The following MAP4 variants were observed in gnomAD, a reference collection of about 807,000 sequenced individuals.
MAP4 encodes microtubule-associated protein 4.
A neutral mutation model predicts 170.2 loss-of-function variants in MAP4; 76 were observed. The observed-to-expected ratio is 0.45, with a 90% CI of 0.37 to 0.54. The LOEUF (loss-of-function observed/expected upper bound fraction) is 0.54, where lower values mean the gene tolerates loss of function less well. Ranked by LOEUF, MAP4 falls within the 20% of genes least tolerant of loss-of-function variation. The pLI, the probability that MAP4 is intolerant of heterozygous loss-of-function variation, is 0.00. For synonymous variants in MAP4, 909 were observed against 994.5 expected (o/e 0.91, Z 1.62); for missense variants, 2,506 against 2,748.0 (o/e 0.91, Z 1.97).
chr3:47,893,933 C>T (rs556334799), intron 10 of MAP4, among the ~76,000 whole-genome samples: 29 of 152,118 alleles, frequency 1.9e-4, no homozygotes, highest in Admixed American at 3.3e-4. Context: ...AGCCTCTGTC[C>T]CCAAGAACTC....
chr3:47,992,409 CATAATT>C (rs2100092866), intron 2 of MAP4, among the ~76,000 whole-genome samples: 1 of 152,052 alleles, frequency 6.6e-6, no homozygotes, highest in East Asian at 1.9e-4. Context: ...TACAACCTAT[CATAATT>C]ATAAACTTTA....
chr3:47,864,230 T>C (rs1228925779), intron 17 of MAP4, among the ~76,000 whole-genome samples: 1 of 152,180 alleles, frequency 6.6e-6, no homozygotes, highest in Admixed American at 6.5e-5. Context: ...CCACTGTACC[T>C]GGCCTTATTT....
chr3:48,088,507 C>T (rs918331733), intron 1 of MAP4, among the ~76,000 whole-genome samples: 1 of 151,874 alleles, frequency 6.6e-6, no homozygotes, highest in Non-Finnish European at 1.5e-5. Context: ...ACCGCCCCGA[C>T]CCTCAAAAGC....
At chr3:48,001,702 G>A (rs1356194422) in intron 1 of MAP4, among the ~76,000 whole-genome samples, 1 of 152,054 alleles carries the variant, frequency 6.6e-6, no homozygotes, top group African/African-American at 2.4e-5. Flanking sequence ...GTGCCACCAT[G>A]TTGGTTAGGC....
chr3:47,885,778 G>C (rs1004392635), intron 10 of MAP4, among the ~76,000 whole-genome samples: 3 of 151,136 alleles, frequency 2.0e-5, no homozygotes, highest in African/African-American at 7.3e-5. Context: ...ACCCAGGCTG[G>C]AGTGCAGTGG....
intron 3 of MAP4, among the ~76,000 whole-genome samples, chr3:47,936,057 TGCCTAAGAATGAA>T (rs969661085): frequency 7.3e-5 from 11 of 151,566 alleles, no homozygotes; most frequent in African/African-American, 2.4e-4. Flanking sequence ...TGAAAGACAC[TGCCTAAGAATGAA>T]GCCAAAGAAG....
At chr3:48,046,390 G>GT (rs1412876586) in intron 1 of MAP4, among the ~76,000 whole-genome samples, 1 of 152,192 alleles carries the variant, frequency 6.6e-6, no homozygotes, top group East Asian at 1.9e-4. Flanking sequence ...TTTAAACCAT[G>GT]TTATTAGGGA....
At chr3:47,993,372 A>G (rs541252411) in intron 2 of MAP4, among the ~76,000 whole-genome samples, 1 of 152,360 alleles carries the variant, frequency 6.6e-6, no homozygotes, top group African/African-American at 2.4e-5. Context: ...ATGATGTTGA[A>G]GATGAAGCCC....
At chr3:47,925,910 A>G (rs1400049368) in intron 4 of MAP4, among the ~76,000 whole-genome samples, 1 of 152,242 alleles carries the variant, frequency 6.6e-6, no homozygotes, top group South Asian at 2.1e-4. Flanking sequence ...GCTGGAGTAC[A>G]ATGGCACGAT....
At position 47,909,572 on chromosome 3, in the gene MAP4, A is replaced by T; in HGVS notation, c.4849T>A (p.Ser1617Thr). ...VNEEKETKEGSVAVQIPDLLE... is the reference protein window; with the variant it reads ...VNEEKETKEGTVAVQIPDLLE... Reference sequence around the variant, plus strand: ...AAGTCAGGAATCTGAACTGCAACAGACCCTTCTTTAGTCTCTTTCTCTTCA... The same window carrying T: ...AAGTCAGGAATCTGAACTGCAACAGTCCCTTCTTTAGTCTCTTTCTCTTCA... The change falls in exon 9 of 21, where the codon TCT (serine) becomes ACT (threonine). Residue 1617 changes from serine (S) to threonine (T), a missense_variant. Transcript: ENST00000683076. The T allele has an allele frequency of 6.2e-7, 1 of 1,612,570 alleles. No homozygotes were observed. The highest frequency in any genetic ancestry group is 1.3e-5 in the African/African-American group (1 of 75,002).
chr3:47,916,050 C>T lies in MAP4; in HGVS notation c.1777G>A (p.Glu593Lys), dbSNP rs2100038677. Residue 593 changes from glutamate to lysine, a missense_variant, in exon 7 of 21, where the codon GAA becomes AAA. Physicochemically the swap from Glu to Lys is moderately conservative, Grantham distance 56. Around this residue, in one of 3 missense-constraint regions of MAP4, gnomAD observed 2,008 missense variants for 2,206.0 expected, o/e 0.91. Transcript: ENST00000683076. ...EATPVPIKDM[E>K]IAQTQKGISE... ...ATTCCTTTTTGTGTTTGTGCAATTT[C>T]CATGTCTTTAATTGGAACTGGTGTT... 6.2e-7 allele frequency: 1 copy of T among 1,614,240 alleles called. No homozygotes were observed.
At chr3:47,904,298 AGGT>A (rs2100031657) in intron 9 of MAP4, among the ~76,000 whole-genome samples, 1 of 152,122 alleles carries the variant, frequency 6.6e-6, no homozygotes, top group South Asian at 2.1e-4. Context: ...TCAACTCAAT[AGGT>A]GGTAGGTGCT....
rs533625907 is a variant in MAP4, at chr3:47,998,822, T to C, written c.39A>G (p.Pro13=). 9 of 1,614,182 alleles carry C rather than the reference T, an allele frequency of 5.6e-6. No homozygotes were observed. The highest frequency in any genetic ancestry group is 5.0e-5 in the Admixed American group (3 of 60,012). ...DLSLADALTE[P]SPDIEGEIKR... ...TTATCTCTCCCTCAATGTCTGGAGA[T>C]GGTTCTGTTAATGCATCTGCAAGAC... The change falls in exon 2 of 21, where the codon CCA becomes CCG. Residue 13 remains proline (P), a synonymous_variant. Coordinates refer to ENST00000683076, the MANE Select transcript of MAP4 (RefSeq NM_001385682.1).
At chr3:48,002,113 T>C (rs979966973) in intron 1 of MAP4, among the ~76,000 whole-genome samples, 8 of 151,854 alleles carry the variant, frequency 5.3e-5, no homozygotes, top group African/African-American at 1.5e-4. Flanking sequence ...GGCAGGGAGA[T>C]TGTAACTAGG....
At chr3:47,914,542 T>C (rs2100037563) in intron 8 of MAP4, among the ~76,000 whole-genome samples, 1 of 145,474 alleles carries the variant, frequency 6.9e-6, no homozygotes, top group South Asian at 2.2e-4. Context: ...AGAGTGAGAC[T>C]CTGTCTCAAA....
chr3:48,087,733 ACACACGCACGCG>A (rs769102745), intron 1 of MAP4, among the ~76,000 whole-genome samples: 184 of 112,728 alleles, frequency 1.6e-3, no homozygotes, highest in African/African-American at 5.6e-3. Flanking sequence ...GCACGCGCAC[ACACACGCACGCG>A]CACACACACA....
At chr3:47,906,697 G>A (rs1442886256) in intron 9 of MAP4, among the ~76,000 whole-genome samples, 1 of 147,922 alleles carries the variant, frequency 6.8e-6, no homozygotes, top group Non-Finnish European at 1.5e-5. Context: ...AAAAAAAAAA[G>A]TACTATAATA....
chr3:48,079,360 T>C (rs1054103438), intron 1 of MAP4, among the ~76,000 whole-genome samples: 3 of 152,042 alleles, frequency 2.0e-5, no homozygotes, highest in African/African-American at 4.8e-5. Context: ...TGATTAAGAA[T>C]TTCAAGGCTG....
At chr3:48,059,666 G>A (rs2100134132) in intron 1 of MAP4, among the ~76,000 whole-genome samples, 1 of 152,082 alleles carries the variant, frequency 6.6e-6, no homozygotes, top group Non-Finnish European at 1.5e-5. Context: ...TGGGTGCAGT[G>A]GCTCACACCT....
Sources: allele counts gnomAD v4.1 joint callset (sites outside exome capture counted in the v4.1 genomes callset), GRCh38; gene constraint gnomAD v4.1.1; regional missense constraint gnomAD v4.1.1; transcripts MANE v1.5; gene names NCBI Gene and HGNC (gene_info 2026-07-23, HGNC 2026-07-21).